The following GRIK4 variants were observed in gnomAD, a reference collection of about 807,000 sequenced individuals.
The protein encoded by GRIK4 is glutamate receptor ionotropic, kainate 4.
GRIK4 carries 40 observed loss-of-function variants against 104.9 expected under a neutral mutation model. The ratio of observed to expected loss-of-function variants is 0.38; its 90% CI spans 0.30 to 0.50. GRIK4 has a LOEUF of 0.50. Among genes scored for constraint, GRIK4 ranks in the 20% least tolerant of loss-of-function variants. The pLI is 0.93. For synonymous variants in GRIK4, 485 were observed against 524.9 expected (o/e 0.92, Z 1.04); for missense variants, 1,047 against 1,308.1 (o/e 0.80, Z 3.08).
At chr11:120,928,130 G>GA (rs1943393881) in intron 13 of GRIK4, among the ~76,000 whole-genome samples, 1 of 151,196 alleles carries the variant, frequency 6.6e-6, no homozygotes, top group Admixed American at 6.6e-5. Flanking sequence ...CAGGAGAATG[G>GA]CTGGAACCTG....
intron 4 of GRIK4, among the ~76,000 whole-genome samples, chr11:120,811,167 C>T (rs1952821258): frequency 6.6e-6 from 1 of 152,124 alleles, no homozygotes; most frequent in Non-Finnish European, 1.5e-5. Flanking sequence ...GCTGCAAAGA[C>T]AGGACTTAAG....
At chr11:120,828,076 C>T (rs1387062849) in intron 6 of GRIK4, among the ~76,000 whole-genome samples, 1 of 152,142 alleles carries the variant, frequency 6.6e-6, no homozygotes, top group Non-Finnish European at 1.5e-5. Flanking sequence ...GGCGACGGTT[C>T]CTGCCTGGCA....
At chr11:120,592,613 C>G (rs1279278973) in intron 1 of GRIK4, among the ~76,000 whole-genome samples, 1 of 152,150 alleles carries the variant, frequency 6.6e-6, no homozygotes, top group East Asian at 1.9e-4. Flanking sequence ...TTTCCTGCCT[C>G]CTCTGGCTTC....
intron 8 of GRIK4, among the ~76,000 whole-genome samples, chr11:120,852,120 TTGACTTAC>T (rs1438300004): frequency 2.0e-5 from 3 of 152,192 alleles, no homozygotes; most frequent in Non-Finnish European, 4.4e-5. Context: ...CATTGTCAAC[TTGACTTAC>T]TGAGGCTTCA....
intron 3 of GRIK4, among the ~76,000 whole-genome samples, chr11:120,706,877 G>A (rs1330997553): frequency 2.6e-5 from 4 of 152,102 alleles, no homozygotes; most frequent in Admixed American, 2.6e-4. Flanking sequence ...TGCAAGTACT[G>A]TCTTTATTTG....
chr11:120,575,473 C>T (rs1591706425), intron 1 of GRIK4, among the ~76,000 whole-genome samples: 1 of 152,172 alleles, frequency 6.6e-6, no homozygotes, highest in African/African-American at 2.4e-5. Flanking sequence ...CCCCACAGAA[C>T]ATTTTGCAAG....
At chr11:120,670,306 T>C (rs1949992588) in intron 3 of GRIK4, among the ~76,000 whole-genome samples, 1 of 152,236 alleles carries the variant, frequency 6.6e-6, no homozygotes. Flanking sequence ...AAAATGACTC[T>C]TTTAAGATGT....
At chr11:120,847,746 G>T (rs541224654) in intron 8 of GRIK4, among the ~76,000 whole-genome samples, 1 of 152,368 alleles carries the variant, frequency 6.6e-6, no homozygotes, top group South Asian at 2.1e-4. Flanking sequence ...TAAGGCAGGG[G>T]AAGAGGAAAG....
chr11:120,902,379 C>T lies in GRIK4; in HGVS notation c.1273-2911C>T, dbSNP rs550412782. On this transcript the variant is annotated intron_variant, in intron 12 of 20. Transcript: ENST00000527524. This position sits in a 1 kb window ranked among gnomAD's most constrained non-coding sequence, Gnocchi z 4.5. ...CCATCCCCATCCTTGGGCTTTCCAA[C>T]GCGTCTCCAAGACCGGCCTTGTGTC... Among the ~76,000 whole-genome samples the T allele has an allele frequency of 2.6e-4, 40 of 152,314 alleles. No individual in the cohort carries two copies. The highest frequency in any genetic ancestry group is 3.7e-4 in the Non-Finnish European group (25 of 68,036).
chr11:120,631,869 A>G (rs1949337190), intron 1 of GRIK4, among the ~76,000 whole-genome samples: 1 of 152,162 alleles, frequency 6.6e-6, no homozygotes, highest in African/African-American at 2.4e-5. Flanking sequence ...TCTGCTCCAG[A>G]GACCCCCAGC....
At chr11:120,601,184 T>TTGCGC (rs1948881437) in intron 1 of GRIK4, among the ~76,000 whole-genome samples, 6 of 152,094 alleles carry the variant, frequency 3.9e-5, no homozygotes, top group Admixed American at 6.5e-5. Context: ...GGCAGGTAGA[T>TTGCGC]CACTTGAGGT....
chr11:120,817,701 G>T (rs1032051537), intron 5 of GRIK4, among the ~76,000 whole-genome samples: 1 of 152,310 alleles, frequency 6.6e-6, no homozygotes, highest in East Asian at 1.9e-4. Flanking sequence ...GTCCCAGAGA[G>T]GGAACCATAG....
chr11:120,775,409 C>T (rs958076639), intron 3 of GRIK4, among the ~76,000 whole-genome samples: 4 of 152,202 alleles, frequency 2.6e-5, no homozygotes, highest in African/African-American at 7.2e-5. Flanking sequence ...GTTCTGGTCC[C>T]GACTCTTCCC....
Position 120,627,657 on chromosome 11 carries a change from C to T in GRIK4, c.-158-26028C>T, listed in dbSNP as rs543233964. 3.3e-5 allele frequency among the ~76,000 whole-genome samples: 5 copies of T among 152,312 alleles called. No individual in the cohort carries two copies. The South Asian group carries it at 1.0e-3, about 32-fold the overall frequency. The stretch of plus-strand genomic sequence containing the variant: ...ACTGTCAACATGGCTGCTGCCCCCT[C>T]CCTGAAGGGCCTAAGGGCAGGATGA... On this transcript the variant is annotated intron_variant, in intron 1 of 20. Transcript: ENST00000527524.
intron 3 of GRIK4, among the ~76,000 whole-genome samples, chr11:120,746,581 G>A (rs1951442226): frequency 1.3e-5 from 2 of 152,194 alleles, no homozygotes; most frequent in Admixed American, 6.5e-5. Context: ...CATAAAAAAT[G>A]CCTTAGGAGA....
chr11:120,786,031 C>G (rs887048112), intron 3 of GRIK4, among the ~76,000 whole-genome samples: 6 of 152,214 alleles, frequency 3.9e-5, no homozygotes, highest in Non-Finnish European at 8.8e-5. Context: ...AAACATTTCC[C>G]CCATTCTTTC....
intron 1 of GRIK4, among the ~76,000 whole-genome samples, chr11:120,627,876 A>G (rs1375222931): frequency 6.6e-6 from 1 of 152,266 alleles, no homozygotes; most frequent in East Asian, 1.9e-4. Flanking sequence ...AATAAAGGTC[A>G]AGACAAACTT....
At chr11:120,575,459 TC>T (rs919817998) in intron 1 of GRIK4, among the ~76,000 whole-genome samples, 4 of 152,100 alleles carry the variant, frequency 2.6e-5, no homozygotes, top group African/African-American at 9.7e-5. Flanking sequence ...CCAGGCCTCC[TC>T]CACCCCACAG....
chr11:120,951,795 G>A (rs1944007774), intron 14 of GRIK4, among the ~76,000 whole-genome samples: 1 of 152,226 alleles, frequency 6.6e-6, no homozygotes, highest in African/African-American at 2.4e-5. Context: ...GGACTCAGTG[G>A]TGTTGGATCA....
Sources: gnomAD v4.1 joint callset for allele counts (sites outside exome capture counted in the v4.1 genomes callset) on GRCh38, gnomAD v4.1.1 for gene constraint, Gnocchi (gnomAD v3.1) non-coding constraint, MANE v1.5 for transcripts, NCBI Gene and HGNC (gene_info 2026-07-23, HGNC 2026-07-21) for gene names.